Variants in ADAMTSL1 observed in about 807,000 individuals in gnomAD.
ADAMTSL1 encodes the protein ADAMTS like 1, also known as ADAMTS-like protein 1.
In ADAMTSL1, 126 loss-of-function variants were observed where a neutral mutation model predicts 201.8. The ratio of observed to expected loss-of-function variants is 0.62; its 90% CI spans 0.54 to 0.72. The LOEUF is 0.72. ADAMTSL1 is among the 30% of genes least tolerant of loss of function. The pLI is 0.00. For synonymous variants in ADAMTSL1, 1,121 were observed against 903.4 expected (o/e 1.24, Z -4.32); for missense variants, 2,679 against 2,277.8 (o/e 1.18, Z -3.59).
At chr9:18,026,783 G>A (rs1820715990) in intron 1 of ADAMTSL1, among the ~76,000 whole-genome samples, 1 of 151,934 alleles carries the variant, frequency 6.6e-6, no homozygotes, top group South Asian at 2.1e-4. Flanking sequence ...AGGATTGATA[G>A]CAGCTCTTCT....
chr9:18,261,712 CTGTGGGCTTA>C lies in ADAMTSL1; in HGVS notation c.207+97732_207+97741del, dbSNP rs1563842361. Among the ~76,000 whole-genome samples the C allele has an allele frequency of 2.0e-5, 3 of 152,284 alleles. No homozygotes were observed. The East Asian group carries it at 5.8e-4, about 29-fold the overall frequency. Reference sequence around the variant, plus strand: ...TAGCTGTTGTCCCACAGTGTAGCTGCTGTGGGCTTACACTGCAGGGGTGCTAACAGACCTT... The same window carrying C: ...TAGCTGTTGTCCCACAGTGTAGCTGCCACTGCAGGGGTGCTAACAGACCTT... On this transcript the variant is annotated intron_variant, in intron 2 of 29. Transcript: ENST00000680146.
At chr9:18,687,263 A>T (rs1294540621) in intron 13 of ADAMTSL1, among the ~76,000 whole-genome samples, 1 of 152,208 alleles carries the variant, frequency 6.6e-6, no homozygotes, top group Non-Finnish European at 1.5e-5. Context: ...TTTTGAATTT[A>T]AAAAACATAA....
chr9:18,087,835 A>C (rs1563992327), intron 1 of ADAMTSL1, among the ~76,000 whole-genome samples: 1 of 152,136 alleles, frequency 6.6e-6, no homozygotes, highest in Non-Finnish European at 1.5e-5. Context: ...AAAGTTGCAG[A>C]ACATACAAAC....
intron 2 of ADAMTSL1, among the ~76,000 whole-genome samples, chr9:18,276,532 T>C (rs745408908): frequency 1.6e-4 from 25 of 152,180 alleles, no homozygotes; most frequent in Non-Finnish European, 2.9e-4. Context: ...TTTGCATCTC[T>C]ATAAGGGAAT....
chr9:18,862,920 A>C (rs1386034719), intron 23 of ADAMTSL1, among the ~76,000 whole-genome samples: 1 of 152,164 alleles, frequency 6.6e-6, no homozygotes, highest in Non-Finnish European at 1.5e-5. Flanking sequence ...TTATGCCAAG[A>C]GCCTACTGGC....
intron 1 of ADAMTSL1, among the ~76,000 whole-genome samples, chr9:18,117,697 A>G (rs1825314739): frequency 6.6e-6 from 1 of 152,182 alleles, no homozygotes; most frequent in Admixed American, 6.5e-5. Context: ...ACTATAAAGT[A>G]TACTTCTCAG....
intron 21 of ADAMTSL1, among the ~76,000 whole-genome samples, chr9:18,822,556 G>A (rs145113532): frequency 3.2e-4 from 48 of 152,238 alleles, no homozygotes; most frequent in African/African-American, 1.1e-3. Context: ...GGCACTGGTG[G>A]GTTACTGATT....
chr9:18,460,629 G>T (rs1820774200), intron 2 of ADAMTSL1, among the ~76,000 whole-genome samples: 1 of 152,148 alleles, frequency 6.6e-6, no homozygotes, highest in African/African-American at 2.4e-5. Flanking sequence ...GTACATGCAG[G>T]TTTACACCAG....
intron 4 of ADAMTSL1, among the ~76,000 whole-genome samples, chr9:18,577,846 C>A (rs747298706): frequency 3.9e-5 from 6 of 152,072 alleles, no homozygotes; most frequent in Non-Finnish European, 8.8e-5. Context: ...GACCTTCTAC[C>A]ATGTACTATC....
Position 18,777,200 on chromosome 9 carries a change from G to A in ADAMTSL1, c.2971G>A (p.Ala991Thr), listed in dbSNP as rs1821081749. The change falls in exon 19 of 29, where the codon GCC becomes ACC. Residue 991 changes from alanine (A) to threonine (T), a missense_variant. By Grantham distance (58) the Ala-to-Thr change is moderately conservative. Coordinates refer to ENST00000380548, the MANE Select transcript of ADAMTSL1 (RefSeq NM_001040272.6). ...GGGGAGGAAGGGCGGCCCGAAGGAG[G>A]CCCTGCAGACCCACAAACACCAGAA... ...LAGRKGGPKE[A>T]LQTHKHQNGI... The A allele has an allele frequency of 2.5e-6, 4 of 1,612,858 alleles. No individual in the cohort carries two copies. The highest frequency in any genetic ancestry group is 2.2e-5 in the South Asian group (2 of 91,082).
At chr9:18,043,276 A>C (rs1029366989) in intron 1 of ADAMTSL1, among the ~76,000 whole-genome samples, 19 of 152,162 alleles carry the variant, frequency 1.2e-4, no homozygotes, top group African/African-American at 4.3e-4. Context: ...CTACTAGGCC[A>C]GAATACTCCC....
intron 4 of ADAMTSL1, among the ~76,000 whole-genome samples, chr9:18,604,393 G>A (rs1319938114): frequency 6.6e-6 from 1 of 152,148 alleles, no homozygotes; most frequent in East Asian, 1.9e-4. Flanking sequence ...CTTTGAAGAG[G>A]AAACTTTCAC....
chr9:18,181,723 G>C (rs1359106682), intron 2 of ADAMTSL1, among the ~76,000 whole-genome samples: 1 of 151,892 alleles, frequency 6.6e-6, no homozygotes, highest in Non-Finnish European at 1.5e-5. Flanking sequence ...GTGGAAGTCA[G>C]TGTGGCGATT....
chr9:18,635,905 G>A, intron 5 of ADAMTSL1, 38 bp from the exon 6 acceptor site: 3 of 1,562,460 alleles, frequency 1.9e-6, no homozygotes, highest in Non-Finnish European at 2.6e-6. Context: ...TTTGTGTCAA[G>A]TGACATGCTT....
intron 2 of ADAMTSL1, among the ~76,000 whole-genome samples, chr9:18,380,826 A>G (rs9407901): frequency 0.98 from 149,001 of 152,320 alleles, 72,960 homozygotes; most frequent in East Asian, 1. Flanking sequence ...ACTACAGTCC[A>G]TCAGGTGAAC....
chr9:18,514,327 CTTTTT>C (rs397963773), intron 2 of ADAMTSL1, among the ~76,000 whole-genome samples: 5 of 100,096 alleles, frequency 5.0e-5, no homozygotes, highest in Non-Finnish European at 8.1e-5. Flanking sequence ...ATTTTTCTTT[CTTTTT>C]TTTTTTTTTT....
chr9:18,744,811 T>C (rs1459170162), intron 15 of ADAMTSL1, among the ~76,000 whole-genome samples: 1 of 152,228 alleles, frequency 6.6e-6, no homozygotes, highest in Non-Finnish European at 1.5e-5. Context: ...GGGGATTTCT[T>C]CAGTCTTCTA....
intron 2 of ADAMTSL1, among the ~76,000 whole-genome samples, chr9:18,451,941 G>C (rs747665345): frequency 2.0e-5 from 3 of 152,158 alleles, no homozygotes; most frequent in Admixed American, 6.5e-5. Flanking sequence ...ACCGAGTTTC[G>C]CTTTTGTTTC....
intron 1 of ADAMTSL1, among the ~76,000 whole-genome samples, chr9:18,106,733 C>T (rs1485353962): frequency 6.6e-6 from 1 of 152,136 alleles, no homozygotes; most frequent in Non-Finnish European, 1.5e-5. Flanking sequence ...GAGTAACTTA[C>T]AAATATCTAA....
Sources: allele counts gnomAD v4.1 joint callset (sites outside exome capture counted in the v4.1 genomes callset), GRCh38; gene constraint gnomAD v4.1.1; transcripts MANE v1.5; gene names NCBI Gene and HGNC (gene_info 2026-07-23, HGNC 2026-07-21).